DTNBP1: variants seen among roughly 807,000 people sequenced by gnomAD.
DTNBP1 encodes dysbindin.
DTNBP1 carries 35 observed loss-of-function variants against 42.8 expected under a neutral mutation model. The observed-to-expected ratio is 0.82, with a 90% CI of 0.63 to 1.09. The LOEUF is 1.09. DTNBP1 is among the 50% of genes least tolerant of loss of function. DTNBP1 has a pLI of 0.00. For missense variants in DTNBP1, 457 were observed against 424.2 expected, an observed-to-expected ratio of 1.08 and a Z score of -0.68; for synonymous variants, 171 against 162.2, an observed-to-expected ratio of 1.05 and a Z score of -0.41.
At position 15,542,926 on chromosome 6, in the gene DTNBP1, C is replaced by T. The variant is rs183932087; in HGVS notation, c.512-9531G>A. On this transcript the variant is annotated intron_variant, in intron 7 of 9. Coordinates refer to ENST00000344537, the MANE Select transcript of DTNBP1 (RefSeq NM_032122.5). ...TGTTGGCCAGGCTGGTCTTGAACTC[C>T]TGACCTCAGGTGATCCGCCCACCTG... Among the ~76,000 whole-genome samples, 322 of 152,228 alleles carry T rather than the reference C, an allele frequency of 2.1e-3. 1 individual carries two copies. Among genetic ancestry groups the T allele is most frequent in the African/African-American group, 7.5e-3 (313 of 41,534 alleles).
intron 6 of DTNBP1, among the ~76,000 whole-genome samples, chr6:15,594,156 A>C (rs1184351025): frequency 6.6e-6 from 1 of 152,212 alleles, no homozygotes; most frequent in Non-Finnish European, 1.5e-5. Flanking sequence ...AGAATTTTCA[A>C]TCCTATTTTT....
intron 1 of DTNBP1, 134 bp from the exon 2 acceptor site, chr6:15,652,274 GGCCCAA>G: frequency 3.2e-6 from 2 of 619,964 alleles, no homozygotes; most frequent in South Asian, 5.1e-5. Flanking sequence ...CTCAATCCTG[GGCCCAA>G]GTGATCCTCC....
intron 6 of DTNBP1, among the ~76,000 whole-genome samples, chr6:15,606,283 G>T (rs1010945207): frequency 6.6e-6 from 1 of 152,200 alleles, no homozygotes; most frequent in African/African-American, 2.4e-5. Context: ...TATTCTCTCT[G>T]CTGGGAACGT....
chr6:15,601,801 C>T (rs778834019), intron 6 of DTNBP1, among the ~76,000 whole-genome samples: 2 of 149,248 alleles, frequency 1.3e-5, no homozygotes, highest in African/African-American at 2.5e-5. Flanking sequence ...GCTGAGATCA[C>T]GCCATTGCAC....
At chr6:15,634,905 C>T (rs1000866059) in intron 4 of DTNBP1, among the ~76,000 whole-genome samples, 2 of 152,162 alleles carry the variant, frequency 1.3e-5, no homozygotes, top group Non-Finnish European at 2.9e-5. Context: ...ATCTCAGACC[C>T]ATCTTCTAAA....
intron 6 of DTNBP1, among the ~76,000 whole-genome samples, chr6:15,593,777 A>T (rs1776393446): frequency 6.6e-6 from 1 of 152,004 alleles, no homozygotes; most frequent in African/African-American, 2.4e-5. Context: ...GCAGTTACGT[A>T]TTTTTTTTCC....
At chr6:15,580,201 G>A (rs1380753004) in intron 7 of DTNBP1, among the ~76,000 whole-genome samples, 9 of 151,974 alleles carry the variant, frequency 5.9e-5, no homozygotes, top group South Asian at 4.1e-4. Flanking sequence ...ATAAAAAGCC[G>A]ATAAATCACA....
chr6:15,628,136 T>C (rs990816190), intron 4 of DTNBP1, among the ~76,000 whole-genome samples: 1 of 152,152 alleles, frequency 6.6e-6, no homozygotes, highest in African/African-American at 2.4e-5. Context: ...CTAAAGACTA[T>C]AAAGAAAATG....
intron 8 of DTNBP1, among the ~76,000 whole-genome samples, chr6:15,525,120 C>T (rs1302166138): frequency 2.0e-5 from 3 of 152,246 alleles, no homozygotes; most frequent in Non-Finnish European, 4.4e-5. Flanking sequence ...GGCCTTGGAA[C>T]ATTTCTCGGG....
intron 3 of DTNBP1, among the ~76,000 whole-genome samples, chr6:15,638,880 C>T (rs1001482406): frequency 9.3e-5 from 14 of 149,756 alleles, no homozygotes; most frequent in East Asian, 3.9e-4. Context: ...CTCTGTCACG[C>T]GGGCTGGAGT....
chr6:15,611,516 A>ATTATCT (rs1758401890), intron 6 of DTNBP1, among the ~76,000 whole-genome samples: 1 of 152,206 alleles, frequency 6.6e-6, no homozygotes, highest in Non-Finnish European at 1.5e-5. Context: ...AAGAAATACA[A>ATTATCT]TTTGTAAGGC....
chr6:15,628,991 A>C (rs923659201), intron 4 of DTNBP1, among the ~76,000 whole-genome samples: 1 of 152,218 alleles, frequency 6.6e-6, no homozygotes, highest in Non-Finnish European at 1.5e-5. Flanking sequence ...GGGAGGCCAC[A>C]TCAAGTTTCA....
At chr6:15,660,158 A>G (rs1311461425) in intron 1 of DTNBP1, among the ~76,000 whole-genome samples, 1 of 152,190 alleles carries the variant, frequency 6.6e-6, no homozygotes, top group Non-Finnish European at 1.5e-5. Flanking sequence ...ATTATCTATG[A>G]TATCAGCATT....
chr6:15,533,302 G>T lies in DTNBP1; in HGVS notation c.605C>A (p.Ala202Asp), dbSNP rs903750438. ...GTACTGCTCCATGTCCTGCTGGAAG[G>T]CTTCCTCAAAAAACTTCTGCCGCTC... ...LKERQKFFEE[A>D]FQQDMEQYLS... Residue 202 changes from alanine (A) to aspartate (D), a missense_variant, in exon 8 of 10, where the codon GCC becomes GAC. Coordinates refer to ENST00000344537, the MANE Select transcript of DTNBP1 (RefSeq NM_032122.5). 20 of 1,614,202 alleles carry T rather than the reference G, an allele frequency of 1.2e-5. No individual in the cohort carries two copies. Among genetic ancestry groups the T allele is most frequent in the Non-Finnish European group, 1.7e-5 (20 of 1,180,048 alleles).
At chr6:15,588,702 G>A (rs1776176744) in intron 7 of DTNBP1, among the ~76,000 whole-genome samples, 1 of 152,132 alleles carries the variant, frequency 6.6e-6, no homozygotes, top group African/African-American at 2.4e-5. Context: ...CACACCATAT[G>A]CTTCAGCCAG....
intron 7 of DTNBP1, 132 bp downstream of exon 7, chr6:15,592,927 A>G (rs189702028): frequency 1.0e-6 from 1 of 955,282 alleles, no homozygotes; most frequent in African/African-American, 1.7e-5. Flanking sequence ...AAAACCTACA[A>G]AAAACAGTAT....
intron 7 of DTNBP1, among the ~76,000 whole-genome samples, chr6:15,570,518 T>A (rs1251933298): frequency 6.6e-6 from 1 of 152,230 alleles, no homozygotes; most frequent in South Asian, 2.1e-4. Context: ...CTAAGCAAGT[T>A]TGAATCCTGC....
intron 3 of DTNBP1, among the ~76,000 whole-genome samples, chr6:15,646,258 GACACACACACAC>G (rs58643392): frequency 8.0e-5 from 12 of 149,102 alleles, no homozygotes; most frequent in Non-Finnish European, 1.2e-4. Flanking sequence ...ATTTACAATA[GACACACACACAC>G]ACACACACAC....
intron 6 of DTNBP1, among the ~76,000 whole-genome samples, chr6:15,613,799 GAGCTCTTCTGA>G (rs1255377085): frequency 6.6e-6 from 1 of 151,842 alleles, no homozygotes; most frequent in Non-Finnish European, 1.5e-5. Context: ...GGCCTCCCTG[GAGCTCTTCTGA>G]AGCTCTTCCA....
Sources: allele counts gnomAD v4.1 joint callset (sites outside exome capture counted in the v4.1 genomes callset), GRCh38; gene constraint gnomAD v4.1.1; transcripts MANE v1.5; gene names NCBI Gene and HGNC (gene_info 2026-07-23, HGNC 2026-07-21).